SYT6: variants seen among roughly 807,000 people sequenced by gnomAD.
SYT6 encodes the protein synaptotagmin 6, also known as synaptotagmin-6.
Under a neutral mutation model 38.4 loss-of-function variants are expected in SYT6, and 24 were observed. The observed-to-expected ratio is 0.62, with a 90% CI of 0.45 to 0.88. The LOEUF is 0.88. Among genes scored for constraint, SYT6 ranks in the 40% least tolerant of loss-of-function variants. The probability of loss-of-function intolerance (pLI) is 0.00; values close to 1 mark genes in which losing one functional copy is unlikely to be tolerated. For synonymous variants in SYT6, 265 were observed against 241.9 expected (o/e 1.10, Z -0.89); for missense variants, 611 against 621.0 (o/e 0.98, Z 0.17).
At chr1:114,133,472 G>T (rs1678281186) in intron 3 of SYT6, among the ~76,000 whole-genome samples, 1 of 152,178 alleles carries the variant, frequency 6.6e-6, no homozygotes, top group Admixed American at 6.5e-5. Context: ...TAATGAGACT[G>T]GGGGCAGAAG....
chr1:114,141,031 C>T (rs1678838900), intron 1 of SYT6, among the ~76,000 whole-genome samples: 1 of 152,178 alleles, frequency 6.6e-6, no homozygotes, highest in Non-Finnish European at 1.5e-5. Context: ...CCATTCCTCT[C>T]CTTAGGCCTC....
At position 114,134,820 on chromosome 1, in the gene SYT6, C is replaced by T. The variant is rs369362763; in HGVS notation, c.1071+2675G>A. Among the ~76,000 whole-genome samples, 15 of 152,248 alleles carry T rather than the reference C, an allele frequency of 9.9e-5. No homozygotes were observed. The East Asian group carries it at 1.2e-3, about 12-fold the overall frequency. Reference sequence around the variant, plus strand: ...AGAGATGGGAGCTGGCTGTTGGCTGCGCTCATCTCATCAGTACTGTCCCCC... The same window carrying T: ...AGAGATGGGAGCTGGCTGTTGGCTGTGCTCATCTCATCAGTACTGTCCCCC... On this transcript the variant is annotated intron_variant, in intron 3 of 7. Coordinates refer to ENST00000610222, the MANE Select transcript of SYT6 (RefSeq NM_001253772.2).
chr1:114,142,412 T>C (rs920094409), intron 1 of SYT6, among the ~76,000 whole-genome samples: 2 of 152,212 alleles, frequency 1.3e-5, no homozygotes, highest in Non-Finnish European at 1.5e-5. Context: ...AGGAGTTGCT[T>C]CTTGTGGATG....
At chr1:114,148,953 G>T (rs927403062) in intron 1 of SYT6, among the ~76,000 whole-genome samples, 1 of 152,134 alleles carries the variant, frequency 6.6e-6, no homozygotes, top group African/African-American at 2.4e-5. Flanking sequence ...TCCCAGGCTG[G>T]ACAGAGAAGT....
intron 1 of SYT6, 65 bp from the exon 2 acceptor site, chr1:114,140,028 G>C: frequency 1.0e-6 from 1 of 989,838 alleles, no homozygotes; most frequent in Non-Finnish European, 1.5e-6. Context: ...GCGGGTGAGG[G>C]TGTTGGAGGA....
chr1:114,092,058 C>T lies in SYT6; in HGVS notation c.*76G>A, dbSNP rs1281312336. 3.3e-6 allele frequency: 5 copies of T among 1,536,234 alleles called. No homozygotes were observed. Among genetic ancestry groups the T allele is most frequent in the Non-Finnish European group, 4.4e-6 (5 of 1,146,896 alleles). ...GGAGATGGGCACGAGCTCTCACTGT[C>T]GAAGCTAGCAGCTCGGCCCTGCCAC... is the stretch of plus-strand genomic sequence containing the variant. On this transcript the variant is annotated 3_prime_UTR_variant, in exon 8 of 8. Coordinates refer to ENST00000610222, the MANE Select transcript of SYT6 (RefSeq NM_001253772.2).
At chr1:114,123,347 A>G (rs1353614401) in intron 3 of SYT6, among the ~76,000 whole-genome samples, 2 of 152,174 alleles carry the variant, frequency 1.3e-5, no homozygotes, top group African/African-American at 2.4e-5. Flanking sequence ...CACTACAGAG[A>G]TGTGAGTCAA....
rs550055148 is a variant in SYT6, at chr1:114,147,865, T to G, written c.163+5745A>C. Among the ~76,000 whole-genome samples the G allele has an allele frequency of 2.0e-5, 3 of 152,364 alleles. No homozygotes were observed. The East Asian group carries it at 5.8e-4, about 29-fold the overall frequency. On this transcript the variant is annotated intron_variant, in intron 1 of 7. Transcript: ENST00000610222. ...CAGTGAATGTCCCCAAAATGTAAGC[T>G]GCTGTTATTCTTCATGTTTTGTTTT...
intron 3 of SYT6, among the ~76,000 whole-genome samples, chr1:114,107,484 G>A (rs959644216): frequency 6.6e-6 from 1 of 152,228 alleles, no homozygotes; most frequent in Non-Finnish European, 1.5e-5. Flanking sequence ...GAGGCAGGGA[G>A]GAAACCAGGG....
At chr1:114,102,016 A>T (rs76720650) in intron 4 of SYT6, among the ~76,000 whole-genome samples, 2,877 of 152,272 alleles carry the variant, frequency 0.019, 85 homozygotes, top group African/African-American at 0.065. Flanking sequence ...GAACTTAGCA[A>T]GAACAAAATC....
chr1:114,136,150 G>T (rs1052366383), intron 3 of SYT6, among the ~76,000 whole-genome samples: 1 of 152,192 alleles, frequency 6.6e-6, no homozygotes, highest in Non-Finnish European at 1.5e-5. Flanking sequence ...GTGTCCCCCA[G>T]ACCCTTCCTG....
intron 3 of SYT6, among the ~76,000 whole-genome samples, chr1:114,112,877 G>C (rs1676767207): frequency 6.6e-6 from 1 of 152,216 alleles, no homozygotes; most frequent in African/African-American, 2.4e-5. Flanking sequence ...CCCGTGGTGA[G>C]AGATCTGCTC....
intron 3 of SYT6, among the ~76,000 whole-genome samples, chr1:114,128,242 C>T (rs1677859657): frequency 6.6e-6 from 1 of 152,248 alleles, no homozygotes; most frequent in South Asian, 2.1e-4. Context: ...TCCCTCTCTG[C>T]TTCCATCCTG....
intron 4 of SYT6, among the ~76,000 whole-genome samples, chr1:114,103,266 A>G (rs1676075411): frequency 2.0e-5 from 3 of 152,050 alleles, no homozygotes; most frequent in South Asian, 2.1e-4. Flanking sequence ...ACTTCTTGTT[A>G]TCTCCCTCTT....
At chr1:114,130,882 A>T (rs1368477560) in intron 3 of SYT6, among the ~76,000 whole-genome samples, 1 of 152,236 alleles carries the variant, frequency 6.6e-6, no homozygotes, top group African/African-American at 2.4e-5. Context: ...TCAAACTGCT[A>T]GTCAATGAGG....
intron 3 of SYT6, among the ~76,000 whole-genome samples, chr1:114,116,970 T>G (rs1039826758): frequency 6.6e-6 from 1 of 152,320 alleles, no homozygotes; most frequent in East Asian, 1.9e-4. Flanking sequence ...GGCATTTTGG[T>G]GGCCTTCATC....
chr1:114,129,604 CTTTCTTTCTTTCCTTTCTTTCTTT>C (rs1677993022), intron 3 of SYT6, among the ~76,000 whole-genome samples: 1 of 93,702 alleles, frequency 1.1e-5, no homozygotes, highest in Non-Finnish European at 2.2e-5. Flanking sequence ...TTCTTTCTTT[CTTTCTTTCTTTCCTTTCTTTCTTT>C]CTTTCTTTCT....
At chr1:114,129,345 C>T (rs958946353) in intron 3 of SYT6, among the ~76,000 whole-genome samples, 24 of 152,274 alleles carry the variant, frequency 1.6e-4, no homozygotes, top group African/African-American at 5.8e-4. Flanking sequence ...GTAGTCTAGT[C>T]CCCGCCCATC....
chr1:114,131,978 A>G (rs1177887438), intron 3 of SYT6, among the ~76,000 whole-genome samples: 1 of 152,228 alleles, frequency 6.6e-6, no homozygotes, highest in Non-Finnish European at 1.5e-5. Context: ...GAAACAATGT[A>G]ACCATGCTTC....
Sources: allele counts gnomAD v4.1 joint callset (sites outside exome capture counted in the v4.1 genomes callset), GRCh38; gene constraint gnomAD v4.1.1; transcripts MANE v1.5; gene names NCBI Gene and HGNC (gene_info 2026-07-23, HGNC 2026-07-21).